The following TUBGCP2 variants were observed in gnomAD, a reference collection of about 807,000 sequenced individuals.
TUBGCP2 encodes gamma-tubulin complex component 2.
Under a neutral mutation model 92.2 loss-of-function variants are expected in TUBGCP2, and 55 were observed. That is an observed-to-expected ratio of 0.60 (90% CI 0.48 to 0.75). The LOEUF is 0.75. Among genes scored for constraint, TUBGCP2 ranks in the 30% least tolerant of loss-of-function variants. TUBGCP2 has a pLI of 0.00. For synonymous variants in TUBGCP2, 533 were observed against 505.2 expected (o/e 1.06, Z -0.74); for missense variants, 1,093 against 1,188.9 (o/e 0.92, Z 1.19).
At chr10:133,288,545 G>A (rs1425926538) in intron 10 of TUBGCP2, among the ~76,000 whole-genome samples, 2 of 152,244 alleles carry the variant, frequency 1.3e-5, no homozygotes, top group African/African-American at 4.8e-5. Context: ...CTAAGCGCTT[G>A]GCTCTCAGGC....
rs141042122 is a variant in TUBGCP2 at position 133,293,046 on chromosome 10, G to A, written c.1017C>T (p.Ala339=). 3.2e-3 allele frequency: 5,159 copies of A among 1,612,994 alleles called. 17 individuals are homozygous for A. Among genetic ancestry groups the A allele is most frequent in the Non-Finnish European group, 3.8e-3 (4,530 of 1,179,950 alleles). ...CCCCGGGCGGGCACGCACCGAGGGA[G>A]GCCAGGATGTCCATGGTGCGCATGG... The part of the protein sequence containing the change: ...QPAMRTMDIL[A]SLATSVDKGE... The change falls in exon 7 of 18, where the codon GCC becomes GCT. Residue 339 remains alanine, a synonymous_variant. Coordinates refer to ENST00000252936, the MANE Select transcript of TUBGCP2 (RefSeq NM_006659.4).
At chr10:133,290,047 C>T (rs1050773063) in intron 8 of TUBGCP2, 78 bp from the exon 9 acceptor site, 333 of 1,570,840 alleles carry the variant, frequency 2.1e-4, no homozygotes, top group Non-Finnish European at 2.6e-4. Flanking sequence ...AGGCCGGCAG[C>T]GCGCAGGGAC....
At chr10:133,294,948 G>T (rs921042660) in intron 5 of TUBGCP2, among the ~76,000 whole-genome samples, 1 of 152,158 alleles carries the variant, frequency 6.6e-6, no homozygotes, top group Non-Finnish European at 1.5e-5. Context: ...AGTGGGTGTG[G>T]CTTGGCGTTT....
At chr10:133,293,963 C>T (rs994175045) in intron 5 of TUBGCP2, among the ~76,000 whole-genome samples, 194 bp from the exon 6 acceptor site, 10 of 152,240 alleles carry the variant, frequency 6.6e-5, no homozygotes. Flanking sequence ...AGGACGGGGC[C>T]GGCCTGGGAG....
chr10:133,288,763 G>T, intron 10 of TUBGCP2, 77 bp downstream of exon 10: 3 of 1,446,382 alleles, frequency 2.1e-6, no homozygotes, highest in Non-Finnish European at 1.9e-6. Context: ...GAAACCCAGC[G>T]ATCTCAGCCC....
In TUBGCP2 at chr10:133,285,805, A is replaced by T. The variant is rs189154293; in HGVS notation, c.1723-177T>A. 1.6e-3 allele frequency among the ~76,000 whole-genome samples: 236 copies of T among 152,156 alleles called. No homozygotes were observed. Among genetic ancestry groups the T allele is most frequent in the African/African-American group, 5.1e-3 (213 of 41,510 alleles). On this transcript the variant is annotated intron_variant, in intron 11 of 17. Coordinates refer to ENST00000252936, the MANE Select transcript of TUBGCP2 (RefSeq NM_006659.4). The surrounding 1 kb of genome is among the most constrained non-coding windows in gnomAD (Gnocchi z 6.8). Reference sequence around the variant, plus strand: ...CATCTACTGATAAATCAAATTCAAAACTGAACCACTTCCCATCAGAACAAA... The same window carrying T: ...CATCTACTGATAAATCAAATTCAAATCTGAACCACTTCCCATCAGAACAAA...
upstream of TUBGCP2, chr10:133,311,935 G>A: frequency 6.2e-7 from 1 of 1,613,088 alleles, no homozygotes; most frequent in Non-Finnish European, 8.5e-7. Context: ...TTCTCATACT[G>A]AATTCAGAAA....
chr10:133,304,094 A>T (rs1847749422), intron 1 of TUBGCP2, among the ~76,000 whole-genome samples: 1 of 152,226 alleles, frequency 6.6e-6, no homozygotes. Flanking sequence ...GCATTTTGGG[A>T]GGCTGAGTCA....
At chr10:133,310,534 G>A, upstream of TUBGCP2, 1 of 540,614 alleles carries the variant, frequency 1.8e-6, no homozygotes, top group Non-Finnish European at 3.3e-6. Flanking sequence ...GGCAGCAGAG[G>A]GGGTGTGGGA....
intron 5 of TUBGCP2, among the ~76,000 whole-genome samples, chr10:133,297,135 C>T (rs1847505794): frequency 6.6e-6 from 1 of 152,218 alleles, no homozygotes; most frequent in African/African-American, 2.4e-5. Flanking sequence ...GGCGTGGTGG[C>T]TCATGCCTGT....
At position 133,285,332 on chromosome 10, in the gene TUBGCP2, A is replaced by C; in HGVS notation, c.1896-119T>G. ...CGGACAGCCCGTGAATCTCTCGGACACTGAAGGCCGGGGAGAGCCGCCTTG... is the reference window on the plus strand; with the variant it reads ...CGGACAGCCCGTGAATCTCTCGGACCCTGAAGGCCGGGGAGAGCCGCCTTG... On this transcript the variant is annotated intron_variant, in intron 12 of 17. Transcript: ENST00000252936. This position sits in a 1 kb window ranked among gnomAD's most constrained non-coding sequence, Gnocchi z 6.8. 2 of 1,588,402 alleles carry C rather than the reference A, an allele frequency of 1.3e-6. No homozygotes were observed. Among genetic ancestry groups the C allele is most frequent in the Non-Finnish European group, 1.7e-6 (2 of 1,169,532 alleles).
chr10:133,293,241 GGAA>G lies in TUBGCP2; in HGVS notation c.825-6_825-4del. ...AGGAAGACTTCTCTTCAATGAACCT[GGAA>G]GAAAAGCTGTCAGACTTCCTCAAAA... is the stretch of plus-strand genomic sequence containing the variant. On this transcript the variant is annotated splice_polypyrimidine_tract_variant and splice_region_variant and intron_variant, in intron 6 of 17. Transcript: ENST00000252936. The G allele has an allele frequency of 6.2e-7, 1 of 1,612,604 alleles. No homozygotes were observed.
At chr10:133,282,894 C>T (rs1487702345) in intron 15 of TUBGCP2, among the ~76,000 whole-genome samples, 184 bp downstream of exon 15, 1 of 152,218 alleles carries the variant, frequency 6.6e-6, no homozygotes, top group Non-Finnish European at 1.5e-5. Flanking sequence ...GCTGCCAGGG[C>T]AGGGGCTCCA....
rs997422192 is a variant in TUBGCP2, at chr10:133,302,849, C to G, written c.93G>C (p.Leu31=). ...CGTACGGGGTCCTGTTCTTTTGAAG[C>G]AGGTCAATGTAGACCTCAGCCCCAT... ...GGDGAEVYID[L]LQKNRTPYVT... is the part of the protein sequence containing the mutation. The change falls in exon 2 of 18, where the codon CTG becomes CTC. Residue 31 remains leucine (L), a synonymous_variant. Transcript: ENST00000252936. 6.2e-7 allele frequency: 1 copy of G among 1,613,818 alleles called. No homozygotes were observed. Among genetic ancestry groups the G allele is most frequent in the East Asian group, 2.2e-5 (1 of 44,884 alleles).
At chr10:133,281,250 G>A in intron 17 of TUBGCP2, 23 bp downstream of exon 17, 1 of 1,605,918 alleles carries the variant, frequency 6.2e-7, no homozygotes, top group Non-Finnish European at 8.5e-7. Context: ...AGGAAGGGCT[G>A]AGCCGGGGTG....
chr10:133,291,216 C>T (rs1489455244), intron 8 of TUBGCP2, among the ~76,000 whole-genome samples: 2 of 151,046 alleles, frequency 1.3e-5, no homozygotes, highest in Admixed American at 6.7e-5. Context: ...AGGCCAGAGC[C>T]CCCAGAGAGG....
chr10:133,300,687 G>A (rs1847623003), intron 2 of TUBGCP2: 1 of 152,720 alleles, frequency 6.5e-6, no homozygotes, highest in Non-Finnish European at 1.5e-5. Context: ...ATGTTGCCCA[G>A]ACTGCTCTCA....
chr10:133,281,649 TG>T (rs1357309568), intron 16 of TUBGCP2: 2 of 615,996 alleles, frequency 3.2e-6, no homozygotes, highest in East Asian at 5.9e-5. Context: ...CCAGGCCTCG[TG>T]GGATGAGGTG....
chr10:133,280,042 A>G (rs1285465505), intron 17 of TUBGCP2, 141 bp from the exon 18 acceptor site: 1 of 1,356,452 alleles, frequency 7.4e-7, no homozygotes, highest in Non-Finnish European at 9.9e-7. Context: ...GAGGAAGGAC[A>G]GTGGAGCTGG....
Sources: allele counts gnomAD v4.1 joint callset (sites outside exome capture counted in the v4.1 genomes callset), GRCh38; gene constraint gnomAD v4.1.1; non-coding constraint Gnocchi (gnomAD v3.1); transcripts MANE v1.5; gene names NCBI Gene and HGNC (gene_info 2026-07-23, HGNC 2026-07-21).